ZFPM2: variants seen among roughly 807,000 people sequenced by gnomAD.
ZFPM2 encodes zinc finger protein ZFPM2.
Under a neutral mutation model 98.6 loss-of-function variants are expected in ZFPM2, and 20 were observed. The observed-to-expected ratio is 0.20, with a 90% CI of 0.14 to 0.29. The LOEUF (loss-of-function observed/expected upper bound fraction) is 0.29. Ranked by LOEUF, ZFPM2 falls within the 10% of genes least tolerant of loss-of-function variation. The probability of loss-of-function intolerance (pLI) is 1.00; values close to 1 mark genes in which losing one functional copy is unlikely to be tolerated. For missense variants in ZFPM2, 1,310 were observed against 1,388.6 expected, an observed-to-expected ratio of 0.94 and a Z score of 0.90; for synonymous variants, 518 against 502.7, an observed-to-expected ratio of 1.03 and a Z score of -0.41.
At chr8:105,324,673 T>A (rs546970294) in intron 1 of ZFPM2, among the ~76,000 whole-genome samples, 1 of 152,028 alleles carries the variant, frequency 6.6e-6, no homozygotes, top group African/African-American at 2.4e-5. Context: ...AGTTGCATTT[T>A]AATCAAACCC....
At chr8:105,738,866 A>C (rs1812150755) in intron 5 of ZFPM2, among the ~76,000 whole-genome samples, 2 of 152,188 alleles carry the variant, frequency 1.3e-5, no homozygotes, top group South Asian at 4.1e-4. Flanking sequence ...TTAAATAAAA[A>C]GTAAACTAGA....
At chr8:105,459,342 G>T (rs139884152) in intron 3 of ZFPM2, among the ~76,000 whole-genome samples, 1 of 152,220 alleles carries the variant, frequency 6.6e-6, no homozygotes, top group African/African-American at 2.4e-5. Context: ...AGGGTGCTTT[G>T]TCACTTTGTG....
At chr8:105,333,538 A>G (rs1413308916) in intron 1 of ZFPM2, among the ~76,000 whole-genome samples, 3 of 151,724 alleles carry the variant, frequency 2.0e-5, no homozygotes, top group African/African-American at 7.2e-5. Context: ...ACCTCTTTGA[A>G]AGACAGTCTG....
intron 4 of ZFPM2, among the ~76,000 whole-genome samples, chr8:105,620,583 GTT>G (rs1414665701): frequency 6.6e-6 from 1 of 152,122 alleles, no homozygotes; most frequent in Non-Finnish European, 1.5e-5. Context: ...TTGCTTTTGT[GTT>G]TTAGTCATGA....
intron 5 of ZFPM2, among the ~76,000 whole-genome samples, chr8:105,711,656 T>C (rs1473347065): frequency 2.0e-5 from 3 of 152,108 alleles, no homozygotes; most frequent in Non-Finnish European, 4.4e-5. Context: ...TCAGCCTTCA[T>C]GATTTTTACC....
intron 5 of ZFPM2, among the ~76,000 whole-genome samples, chr8:105,743,131 G>T (rs752581188): frequency 1.3e-5 from 2 of 152,014 alleles, no homozygotes; most frequent in Non-Finnish European, 2.9e-5. Context: ...CCCCTTTCAG[G>T]TCAAGTCATG....
intron 5 of ZFPM2, among the ~76,000 whole-genome samples, chr8:105,692,927 A>G (rs1047722122): frequency 6.6e-6 from 1 of 152,188 alleles, no homozygotes; most frequent in African/African-American, 2.4e-5. Flanking sequence ...GCACAGAGCA[A>G]TGACATTTTT....
At chr8:105,547,978 A>G (rs1203494962) in intron 3 of ZFPM2, among the ~76,000 whole-genome samples, 1 of 151,502 alleles carries the variant, frequency 6.6e-6, no homozygotes, top group Non-Finnish European at 1.5e-5. Flanking sequence ...TAACCATGTG[A>G]AGTTTTGGTT....
intron 3 of ZFPM2, among the ~76,000 whole-genome samples, chr8:105,496,439 G>T (rs1165083069): frequency 6.6e-6 from 1 of 151,862 alleles, no homozygotes; most frequent in South Asian, 2.1e-4. Flanking sequence ...TCTAAATTTG[G>T]GTTTGTTTCT....
chr8:105,451,075 A>G (rs1473175077), intron 3 of ZFPM2, among the ~76,000 whole-genome samples: 1 of 152,180 alleles, frequency 6.6e-6, no homozygotes, highest in East Asian at 1.9e-4. Context: ...TATTATTACT[A>G]TTATGATGAT....
chr8:105,796,920 A>G (rs1178157002), intron 6 of ZFPM2: 1 of 152,136 alleles, frequency 6.6e-6, no homozygotes, highest in Non-Finnish European at 1.5e-5. Context: ...AGATTTGGTC[A>G]CCCTGTACAT....
At chr8:105,662,298 A>AT (rs1817406192) in intron 5 of ZFPM2, 1 of 152,064 alleles carries the variant, frequency 6.6e-6, no homozygotes, top group Non-Finnish European at 1.5e-5. Flanking sequence ...AGAAGGGGGC[A>AT]TTTTTACATT....
chr8:105,411,905 T>C (rs1563646664), intron 1 of ZFPM2, among the ~76,000 whole-genome samples: 1 of 151,838 alleles, frequency 6.6e-6, no homozygotes, highest in African/African-American at 2.4e-5. Context: ...TTATTTTTCC[T>C]GTGATATCAG....
chr8:105,401,772 T>G (rs1811346490), intron 1 of ZFPM2, among the ~76,000 whole-genome samples: 1 of 152,156 alleles, frequency 6.6e-6, no homozygotes, highest in African/African-American at 2.4e-5. Context: ...ATAGTTGTCT[T>G]TAAGAAAAAT....
At chr8:105,463,598 C>T (rs971477898) in intron 3 of ZFPM2, among the ~76,000 whole-genome samples, 4 of 151,896 alleles carry the variant, frequency 2.6e-5, no homozygotes, top group African/African-American at 9.7e-5. Flanking sequence ...AACAAACTAG[C>T]AAATAAATAA....
intron 4 of ZFPM2, among the ~76,000 whole-genome samples, chr8:105,625,971 G>C (rs17218551): frequency 3.6e-5 from 5 of 138,558 alleles, no homozygotes. Context: ...CTATTTTCTG[G>C]AAAAAAAAAA....
At chr8:105,437,494 A>ATTTTCT (rs71305152) in intron 2 of ZFPM2, among the ~76,000 whole-genome samples, 64,369 of 151,466 alleles carry the variant, frequency 0.42, 14,872 homozygotes, top group African/African-American at 0.62. Flanking sequence ...TCATCTTGAC[A>ATTTTCT]TTTTCTATCA....
chr8:105,401,311 CT>C (rs1050359310), intron 1 of ZFPM2, among the ~76,000 whole-genome samples: 4 of 151,910 alleles, frequency 2.6e-5, no homozygotes, highest in Admixed American at 2.6e-4. Flanking sequence ...ATGGAACAAG[CT>C]TTTTAAAAGT....
intron 5 of ZFPM2, among the ~76,000 whole-genome samples, chr8:105,765,511 A>G (rs1422487162): frequency 4.0e-5 from 6 of 151,800 alleles, no homozygotes; most frequent in Admixed American, 1.3e-4. Flanking sequence ...TCTGGAGACA[A>G]TTGCATTTTA....
Sources: allele counts gnomAD v4.1 joint callset (sites outside exome capture counted in the v4.1 genomes callset), GRCh38; gene constraint gnomAD v4.1.1; transcripts MANE v1.5; gene names NCBI Gene and HGNC (gene_info 2026-07-23, HGNC 2026-07-21).